WDFY2: variants seen among roughly 807,000 people sequenced by gnomAD.
The protein encoded by WDFY2 is WD repeat and FYVE domain containing 2, also known as WD repeat and FYVE domain-containing protein 2.
In WDFY2, 36 loss-of-function variants were observed where a neutral mutation model predicts 56.4. The ratio of observed to expected loss-of-function variants is 0.64; its 90% CI spans 0.49 to 0.84. The LOEUF (loss-of-function observed/expected upper bound fraction) is 0.84, where lower values mean the gene tolerates loss of function less well. Among genes scored for constraint, WDFY2 ranks in the 40% least tolerant of loss-of-function variants. The probability of loss-of-function intolerance (pLI) is 0.00; values close to 1 mark genes in which losing one functional copy is unlikely to be tolerated. For missense variants in WDFY2, 444 were observed against 512.2 expected, an observed-to-expected ratio of 0.87 and a Z score of 1.29; for synonymous variants, 176 against 183.7, an observed-to-expected ratio of 0.96 and a Z score of 0.34.
chr13:51,711,428 A>C (rs556811011), intron 4 of WDFY2, among the ~76,000 whole-genome samples: 93 of 152,346 alleles, frequency 6.1e-4, no homozygotes, highest in African/African-American at 2.2e-3. Flanking sequence ...CAAAAGCCAA[A>C]ATTGACAAAT....
At chr13:51,744,005 C>CG (rs1679254136) in intron 7 of WDFY2, among the ~76,000 whole-genome samples, 1 of 152,196 alleles carries the variant, frequency 6.6e-6, no homozygotes, top group Non-Finnish European at 1.5e-5. Context: ...TGCCCCCAGA[C>CG]GGGGGTCCCT....
At chr13:51,724,127 G>T (rs1952550818) in intron 5 of WDFY2, among the ~76,000 whole-genome samples, 1 of 145,512 alleles carries the variant, frequency 6.9e-6, no homozygotes, top group Admixed American at 6.9e-5. Flanking sequence ...ATAATAATAT[G>T]TTCAGTATAT....
At chr13:51,653,886 T>C (rs1955455331) in intron 1 of WDFY2, among the ~76,000 whole-genome samples, 2 of 152,248 alleles carry the variant, frequency 1.3e-5, no homozygotes, top group African/African-American at 2.4e-5. Context: ...CTGTCCGTTC[T>C]CAGATCTCAA....
At chr13:51,741,835 A>G (rs751375397) in intron 7 of WDFY2, among the ~76,000 whole-genome samples, 2 of 152,228 alleles carry the variant, frequency 1.3e-5, no homozygotes, top group African/African-American at 2.4e-5. Flanking sequence ...AATTGAGTCC[A>G]GCAGGGAGCT....
rs1332375349 is a variant in WDFY2, at chr13:51,739,168, G to A, written c.718G>A (p.Gly240Arg). ...AAAAGGAACAGCCATCGAGCTCCAA[G>A]GACACAAGTAAGGTTGCTGGTGCTT... Reference protein sequence around the residue: ...GRKGTAIELQGHNDRVQALSY... With the variant: ...GRKGTAIELQRHNDRVQALSY... The change falls in exon 7 of 12, where the codon GGA becomes AGA. Residue 240 changes from glycine to arginine, a missense_variant. Transcript: ENST00000298125. 6.3e-6 allele frequency: 10 copies of A among 1,587,998 alleles called. No individual in the cohort carries two copies. Among genetic ancestry groups the A allele is most frequent in the Non-Finnish European group, 8.6e-6 (10 of 1,167,634 alleles).
At chr13:51,605,264 T>G (rs1954364066) in intron 1 of WDFY2, among the ~76,000 whole-genome samples, 1 of 152,186 alleles carries the variant, frequency 6.6e-6, no homozygotes, top group African/African-American at 2.4e-5. Flanking sequence ...GAGTCAGACC[T>G]GGGTTCAGTG....
intron 1 of WDFY2, among the ~76,000 whole-genome samples, chr13:51,652,900 G>C (rs998112684): frequency 6.6e-6 from 1 of 152,086 alleles, no homozygotes; most frequent in South Asian, 2.1e-4. Flanking sequence ...TGCTCGTCTC[G>C]AGGAGTATCT....
At chr13:51,614,943 A>G (rs1954583011) in intron 1 of WDFY2, among the ~76,000 whole-genome samples, 1 of 152,210 alleles carries the variant, frequency 6.6e-6, no homozygotes, top group African/African-American at 2.4e-5. Flanking sequence ...ACTCTGAGAG[A>G]TCATATACAC....
chr13:51,712,555 A>AT (rs1336666982), intron 4 of WDFY2, among the ~76,000 whole-genome samples: 16 of 152,200 alleles, frequency 1.1e-4, no homozygotes, highest in African/African-American at 3.6e-4. Context: ...GAAGGGACTC[A>AT]TTAACAGTGA....
chr13:51,745,752 A>C (rs1192040296), intron 7 of WDFY2, among the ~76,000 whole-genome samples: 5 of 148,882 alleles, frequency 3.4e-5, no homozygotes, highest in East Asian at 3.9e-4. Flanking sequence ...AAAAAAAAAA[A>C]AAAAAAAAAA....
rs1953465767 is a variant in WDFY2 at position 51,758,317 on chromosome 13, T to C, written c.1173+17T>C. The stretch of plus-strand genomic sequence containing the variant: ...GTTATTAAGGTAAGATGCCATCTTA[T>C]TAAGAAGCTTTCCATCTTTGGCCTC... On this transcript the variant is annotated intron_variant, in intron 11 of 11. Coordinates refer to ENST00000298125, the MANE Select transcript of WDFY2 (RefSeq NM_052950.4). 1.9e-6 allele frequency: 3 copies of C among 1,546,438 alleles called. No individual in the cohort carries two copies. Among genetic ancestry groups the C allele is most frequent in the Non-Finnish European group, 2.7e-6 (3 of 1,125,012 alleles).
At position 51,670,235 on chromosome 13, in the gene WDFY2, G is replaced by GT. The variant is rs1204152715; in HGVS notation, c.206-4928dup. Reference sequence around the variant, plus strand: ...CCATTTTGTATGGGCCACAGCACTAGTTTTTTTGCTTTTTTGTTAATTTCT... The same window carrying GT: ...CCATTTTGTATGGGCCACAGCACTAGTTTTTTTTGCTTTTTTGTTAATTTCT... On this transcript the variant is annotated intron_variant, in intron 2 of 11. Transcript: ENST00000298125. Among the ~76,000 whole-genome samples the GT allele has an allele frequency of 1.2e-4, 19 of 152,042 alleles. 1 individual carries two copies. Among genetic ancestry groups the GT allele is most frequent in the Admixed American group, 1.2e-3 (19 of 15,266 alleles).
intron 5 of WDFY2, among the ~76,000 whole-genome samples, chr13:51,725,253 A>G (rs994031616): frequency 2.6e-5 from 4 of 152,248 alleles, no homozygotes; most frequent in African/African-American, 9.6e-5. Flanking sequence ...CTAAATAACA[A>G]TAAGACTACT....
At chr13:51,585,556 ACTCT>A (rs1324198832) in intron 1 of WDFY2, among the ~76,000 whole-genome samples, 9 of 152,088 alleles carry the variant, frequency 5.9e-5, no homozygotes, top group Admixed American at 1.3e-4. Flanking sequence ...GCCTTCAAAT[ACTCT>A]CTCTGTTTTG....
chr13:51,635,191 A>G (rs1955022422), intron 1 of WDFY2, among the ~76,000 whole-genome samples: 1 of 152,068 alleles, frequency 6.6e-6, no homozygotes, highest in African/African-American at 2.4e-5. Context: ...TGATCTGCCC[A>G]TCTCGGCCTC....
chr13:51,669,482 GT>G (rs577362212), intron 2 of WDFY2, among the ~76,000 whole-genome samples: 6 of 151,902 alleles, frequency 3.9e-5, no homozygotes, highest in Non-Finnish European at 7.4e-5. Flanking sequence ...GCACAGTTTA[GT>G]TTTTTTTATC....
chr13:51,700,073 A>G (rs1443219816), intron 3 of WDFY2, among the ~76,000 whole-genome samples: 2 of 152,240 alleles, frequency 1.3e-5, no homozygotes, highest in Non-Finnish European at 2.9e-5. Flanking sequence ...AATAATATCT[A>G]TAATGTGATC....
At chr13:51,709,651 C>A (rs561130681) in intron 4 of WDFY2, among the ~76,000 whole-genome samples, 1 of 152,062 alleles carries the variant, frequency 6.6e-6, no homozygotes, top group Non-Finnish European at 1.5e-5. Flanking sequence ...AGAATACTAT[C>A]AACACCTCTA....
At position 51,681,488 on chromosome 13, in the gene WDFY2, C is replaced by T. The variant is rs184532799; in HGVS notation, c.279+6245C>T. Among the ~76,000 whole-genome samples, 39 of 152,202 alleles carry T rather than the reference C, an allele frequency of 2.6e-4. No individual in the cohort carries two copies. In the East Asian group the frequency reaches 6.6e-3, roughly 26 times the overall value. On this transcript the variant is annotated intron_variant, in intron 3 of 11. Coordinates refer to ENST00000298125, the MANE Select transcript of WDFY2 (RefSeq NM_052950.4). ...CTTTTAAACTGTTACATAACCCTGC[C>T]ATTATTTACACTAGCTTATGATTCT...
Sources: allele counts gnomAD v4.1 joint callset (sites outside exome capture counted in the v4.1 genomes callset), GRCh38; gene constraint gnomAD v4.1.1; transcripts MANE v1.5; gene names NCBI Gene and HGNC (gene_info 2026-07-23, HGNC 2026-07-21).